Variants in UGT1A6 observed in about 807,000 individuals in gnomAD.
The protein encoded by UGT1A6 is UDP glucuronosyltransferase family 1 member A6, also known as UDP-glucuronosyltransferase 1A6.
A neutral mutation model predicts 44.4 loss-of-function variants in UGT1A6; 32 were observed. That is an observed-to-expected ratio of 0.72 (90% confidence interval 0.54 to 0.97). UGT1A6 has a LOEUF of 0.97. Ranked by LOEUF, UGT1A6 falls within the 50% of genes least tolerant of loss-of-function variation. The probability of loss-of-function intolerance (pLI) is 0.00; values close to 1 mark genes in which losing one functional copy is unlikely to be tolerated. For missense variants in UGT1A6, 685 were observed against 661.9 expected (o/e 1.03, Z -0.38); for synonymous variants, 238 against 248.5 (o/e 0.96, Z 0.40).
At chr2:233,759,599 A>ACCCCCCCCCCCCCCCCC (rs1553620419) in intron 1 of UGT1A6, among the ~76,000 whole-genome samples, 1 of 108,732 alleles carries the variant, frequency 9.2e-6, no homozygotes, top group African/African-American at 3.3e-5. Flanking sequence ...CCCACCCCCG[A>ACCCCCCCCCCCCCCCCC]CCCGCCCCAC....
chr2:233,725,050 GGCGGC>G (rs1446424996), intron 1 of UGT1A6, among the ~76,000 whole-genome samples: 4 of 147,892 alleles, frequency 2.7e-5, no homozygotes, highest in African/African-American at 1.0e-4. Context: ...AGTCAGGCGT[GGCGGC>G]GCGCGCCTGC....
In UGT1A6 at chr2:233,760,681, C is replaced by T. The variant is rs769242961; in HGVS notation, c.862-6353C>T. 2 of 1,614,246 alleles carry T rather than the reference C, an allele frequency of 1.2e-6. No homozygotes were observed. The highest frequency in any genetic ancestry group is 1.7e-6 in the Non-Finnish European group (2 of 1,180,048). Reference sequence around the variant, plus strand: ...TTTGTCTGGCTGTTCCCACTTACTGCACAACAAGGAGCTCATGGCCTCCCT... The same window carrying T: ...TTTGTCTGGCTGTTCCCACTTACTGTACAACAAGGAGCTCATGGCCTCCCT... On this transcript the variant is annotated intron_variant, in intron 1 of 4. Coordinates refer to ENST00000305139, the MANE Select transcript of UGT1A6 (RefSeq NM_001072.4).
intron 1 of UGT1A6, among the ~76,000 whole-genome samples, chr2:233,702,032 C>A (rs2075666717): frequency 6.6e-6 from 1 of 151,958 alleles, no homozygotes; most frequent in Non-Finnish European, 1.5e-5. Context: ...CAAAAAAAAA[C>A]CCTTCAAAAA....
In UGT1A6 at chr2:233,693,756, C is replaced by G; in HGVS notation, c.752C>G (p.Ser251Cys). Residue 251 changes from serine (S) to cysteine (C), a missense_variant, in exon 1 of 5, where the codon TCT (serine) becomes TGT (cysteine). Transcript: ENST00000305139. Reference protein sequence around the residue: ...VDIITLYQKVSVWLLRYDFVL... With the variant: ...VDIITLYQKVCVWLLRYDFVL... ...ATAATCACCTTATATCAGAAGGTCT[C>G]TGTTTGGCTGTTAAGATATGACTTT... The G allele has an allele frequency of 6.2e-7, 1 of 1,614,248 alleles. No homozygotes were observed. The highest frequency in any genetic ancestry group is 8.5e-7 in the Non-Finnish European group (1 of 1,180,044).
At chr2:233,768,469 G>T (rs1403858659) in intron 4 of UGT1A6, 30 bp downstream of exon 4, 1 of 1,603,172 alleles carries the variant, frequency 6.2e-7, no homozygotes, top group East Asian at 2.2e-5. Flanking sequence ...AGAATACTTT[G>T]GTCATGGCAT....
At chr2:233,742,568 G>A (rs1692020087) in intron 1 of UGT1A6, among the ~76,000 whole-genome samples, 1 of 151,798 alleles carries the variant, frequency 6.6e-6, no homozygotes, top group African/African-American at 2.4e-5. Context: ...GCTTCTGGCC[G>A]GAATTGGGGG....
At chr2:233,730,901 C>A (rs2078088163) in intron 1 of UGT1A6, among the ~76,000 whole-genome samples, 1 of 152,116 alleles carries the variant, frequency 6.6e-6, no homozygotes, top group Non-Finnish European at 1.5e-5. Flanking sequence ...TACTCCTTTA[C>A]CAAAAATTTC....
chr2:233,744,366 G>A (rs1692789065), intron 1 of UGT1A6, among the ~76,000 whole-genome samples: 1 of 151,836 alleles, frequency 6.6e-6, no homozygotes, highest in South Asian at 2.1e-4. Context: ...TGTTGTTTAG[G>A]ACTGCAGTTC....
chr2:233,759,533 T>A (rs1026147769), intron 1 of UGT1A6, among the ~76,000 whole-genome samples: 11 of 151,998 alleles, frequency 7.2e-5, no homozygotes, highest in African/African-American at 2.7e-4. Context: ...AAGACTTCTG[T>A]TCACATGCGC....
rs770188786 is a variant in UGT1A6, at chr2:233,693,370, C to G, written c.366C>G (p.Tyr122Ter). The G allele has an allele frequency of 6.2e-7, 1 of 1,614,164 alleles. No individual in the cohort carries two copies. Among genetic ancestry groups the G allele is most frequent in the Non-Finnish European group, 8.5e-7 (1 of 1,180,034 alleles). Residue 122 changes from tyrosine (Y) to a stop codon, truncating the protein, a stop_gained, in exon 1 of 5, where the codon TAC (tyrosine) becomes TAG (stop). Transcript: ENST00000305139. LOFTEE classifies it high-confidence loss of function. ...ATAACATGATTGTTATTGGCCTGTA[C>G]TTCATCAACTGCCAGAGCCTCCTGC... ...YRNNMIVIGL[Y>*]FINCQSLLQD...
chr2:233,747,715 C>A, intron 1 of UGT1A6: 2 of 1,613,182 alleles, frequency 1.2e-6, no homozygotes, highest in South Asian at 2.2e-5. Flanking sequence ...CTATCAATTC[C>A]TGCTGTGTTT....
At chr2:233,747,312 G>A in intron 1 of UGT1A6, 5 of 1,603,228 alleles carry the variant, frequency 3.1e-6, no homozygotes, top group Non-Finnish European at 4.3e-6. Context: ...AGGTGCTGGT[G>A]GTACCCATTG....
intron 1 of UGT1A6, among the ~76,000 whole-genome samples, chr2:233,766,742 G>T (rs1249550835): frequency 6.6e-6 from 1 of 152,146 alleles, no homozygotes; most frequent in African/African-American, 2.4e-5. Context: ...GTATGTACAG[G>T]TGTGTGCATG....
At chr2:233,730,026 C>G (rs2077971569) in intron 1 of UGT1A6, 3 of 1,613,402 alleles carry the variant, frequency 1.9e-6, no homozygotes, top group African/African-American at 2.7e-5. Flanking sequence ...AATCAATGTT[C>G]CAGGCAAAAC....
chr2:233,698,768 A>C (rs2075461107), intron 1 of UGT1A6, among the ~76,000 whole-genome samples: 1 of 152,254 alleles, frequency 6.6e-6, no homozygotes, highest in African/African-American at 2.4e-5. Context: ...TCAGAAAGAA[A>C]GAGTATCCTT....
chr2:233,709,908 T>TA (rs1575491897), intron 1 of UGT1A6, among the ~76,000 whole-genome samples: 1 of 152,210 alleles, frequency 6.6e-6, no homozygotes, highest in Non-Finnish European at 1.5e-5. Context: ...AGTCACCTAA[T>TA]ACCTCCCCTC....
rs376676972 is a variant in UGT1A6, at chr2:233,729,353, C to T, written c.861+35488C>T. On this transcript the variant is annotated intron_variant, in intron 1 of 4. Coordinates refer to ENST00000305139, the MANE Select transcript of UGT1A6 (RefSeq NM_001072.4). ...CACATCAAAGAAGAGAACTTTTTCACCCTGACAACCTATGCCATTTCGTGG... is the reference window on the plus strand; with the variant it reads ...CACATCAAAGAAGAGAACTTTTTCATCCTGACAACCTATGCCATTTCGTGG... 2.5e-5 allele frequency: 40 copies of T among 1,614,044 alleles called. No individual in the cohort carries two copies. The African/African-American group carries it at 5.1e-4, about 20-fold the overall frequency.
chr2:233,760,360 T>A (rs751894919), intron 1 of UGT1A6: 1 of 1,614,114 alleles, frequency 6.2e-7, no homozygotes, highest in East Asian at 2.2e-5. Flanking sequence ...CCCAGTGGTG[T>A]CCCATGCTGG....
chr2:233,768,031 A>G (rs1699551852), intron 3 of UGT1A6, 95 bp downstream of exon 3: 2 of 1,612,748 alleles, frequency 1.2e-6, no homozygotes, highest in Non-Finnish European at 8.5e-7. Context: ...GAGCTTGAAA[A>G]TATTATGGCC....
Sources: allele counts gnomAD v4.1 joint callset (sites outside exome capture counted in the v4.1 genomes callset), GRCh38; gene constraint gnomAD v4.1.1; transcripts MANE v1.5; gene names NCBI Gene and HGNC (gene_info 2026-07-23, HGNC 2026-07-21).